The following ASIC2 variants were observed in gnomAD, a reference collection of about 807,000 sequenced individuals.
ASIC2 encodes acid-sensing ion channel 2.
In ASIC2, 25 loss-of-function variants were observed where a neutral mutation model predicts 57.3. That is an observed-to-expected ratio of 0.44 (90% CI 0.32 to 0.61). The LOEUF is 0.61. Among genes scored for constraint, ASIC2 ranks in the 20% least tolerant of loss-of-function variants. The pLI is 0.06. For synonymous variants in ASIC2, 319 were observed against 307.5 expected (o/e 1.04, Z -0.39); for missense variants, 641 against 738.1 (o/e 0.87, Z 1.52).
At chr17:33,442,791 C>G (rs1352492392) in intron 1 of ASIC2, among the ~76,000 whole-genome samples, 1 of 151,990 alleles carries the variant, frequency 6.6e-6, no homozygotes, top group Non-Finnish European at 1.5e-5. Flanking sequence ...CCTTATTGCA[C>G]TGGTTAGAAC....
intron 1 of ASIC2, among the ~76,000 whole-genome samples, chr17:33,416,913 A>G (rs1425803130): frequency 6.6e-6 from 1 of 152,180 alleles, no homozygotes; most frequent in East Asian, 1.9e-4. Flanking sequence ...GATCTCACCA[A>G]TATGCCACAG....
intron 1 of ASIC2, among the ~76,000 whole-genome samples, chr17:33,838,979 G>T (rs1323602785): frequency 6.6e-6 from 1 of 152,126 alleles, no homozygotes; most frequent in Non-Finnish European, 1.5e-5. Flanking sequence ...TGTAAGGAGG[G>T]GCCCAAGAAT....
At chr17:33,685,339 C>T (rs1040750227) in intron 1 of ASIC2, among the ~76,000 whole-genome samples, 2 of 152,224 alleles carry the variant, frequency 1.3e-5, no homozygotes, top group African/African-American at 4.8e-5. Context: ...CCACCTCGCG[C>T]TCCTCCATCC....
chr17:33,525,380 C>T (rs1914858032), intron 1 of ASIC2, among the ~76,000 whole-genome samples: 1 of 152,166 alleles, frequency 6.6e-6, no homozygotes, highest in Non-Finnish European at 1.5e-5. Context: ...CACTCCACCA[C>T]CCCTTGGAAA....
chr17:34,103,075 TTTC>T (rs1329153697), intron 1 of ASIC2, among the ~76,000 whole-genome samples: 1 of 152,236 alleles, frequency 6.6e-6, no homozygotes, highest in Non-Finnish European at 1.5e-5. Flanking sequence ...TTGAAAATAT[TTTC>T]TTAAGTCTAT....
chr17:33,166,951 A>T (rs1905327979), intron 1 of ASIC2, among the ~76,000 whole-genome samples: 1 of 152,232 alleles, frequency 6.6e-6, no homozygotes, highest in African/African-American at 2.4e-5. Context: ...AACAGACTGG[A>T]ATCATAGAAT....
chr17:33,382,853 A>T lies in ASIC2; in HGVS notation c.556-270786T>A, dbSNP rs562107014. 6.2e-4 allele frequency among the ~76,000 whole-genome samples: 95 copies of T among 152,282 alleles called. 1 individual carries two copies. Among genetic ancestry groups the T allele is most frequent in the Non-Finnish European group, 8.8e-5 (6 of 68,016 alleles). On this transcript the variant is annotated intron_variant, in intron 1 of 9. Coordinates refer to the ASIC2 transcript ENST00000359872. Reference sequence around the variant, plus strand: ...GCAAATGAGGACAAATAAATTTTCTAGCCTTGTTTTCTACTTACCCCATAC... The same window carrying T: ...GCAAATGAGGACAAATAAATTTTCTTGCCTTGTTTTCTACTTACCCCATAC...
At chr17:33,105,878 C>A (rs1443209744) in intron 2 of ASIC2, among the ~76,000 whole-genome samples, 1 of 152,160 alleles carries the variant, frequency 6.6e-6, no homozygotes, top group Non-Finnish European at 1.5e-5. Flanking sequence ...TTTGTCCCCA[C>A]CCTAGAGATC....
At chr17:33,393,062 CA>C (rs1909958614) in intron 1 of ASIC2, among the ~76,000 whole-genome samples, 1 of 152,162 alleles carries the variant, frequency 6.6e-6, no homozygotes, top group African/African-American at 2.4e-5. Flanking sequence ...CCATTGTAAT[CA>C]CTTCCAAACT....
chr17:33,329,540 A>G (rs957788718), intron 1 of ASIC2, among the ~76,000 whole-genome samples: 1 of 152,204 alleles, frequency 6.6e-6, no homozygotes, highest in Non-Finnish European at 1.5e-5. Context: ...GGCTAAGGTC[A>G]AGGTCATCAC....
chr17:33,857,121 G>T (rs1913978990), intron 1 of ASIC2, among the ~76,000 whole-genome samples: 1 of 152,172 alleles, frequency 6.6e-6, no homozygotes, highest in African/African-American at 2.4e-5. Flanking sequence ...AAATTGAAGG[G>T]TCTTACCCTA....
intron 1 of ASIC2, among the ~76,000 whole-genome samples, chr17:33,950,489 A>C (rs1904524742): frequency 6.6e-6 from 1 of 152,254 alleles, no homozygotes; most frequent in African/African-American, 2.4e-5. Context: ...AGTTATAAAA[A>C]ACCCAAACGA....
intron 1 of ASIC2, among the ~76,000 whole-genome samples, chr17:33,314,376 C>G (rs1270400898): frequency 6.6e-6 from 1 of 152,232 alleles, no homozygotes; most frequent in East Asian, 1.9e-4. Context: ...GGACACAATT[C>G]CTTGTTGGCT....
At chr17:33,770,951 G>A (rs994875594) in intron 1 of ASIC2, among the ~76,000 whole-genome samples, 2 of 152,040 alleles carry the variant, frequency 1.3e-5, no homozygotes, top group African/African-American at 4.8e-5. Context: ...GTCTATCTGT[G>A]GTCAATGGGC....
intron 1 of ASIC2, among the ~76,000 whole-genome samples, chr17:33,972,335 T>C (rs1012129233): frequency 2.5e-4 from 38 of 152,158 alleles, no homozygotes; most frequent in Admixed American, 2.5e-3. Context: ...GGAAGGACGA[T>C]AGAAAAATAC....
intron 1 of ASIC2, among the ~76,000 whole-genome samples, chr17:34,088,494 C>T (rs979284541): frequency 1.2e-4 from 18 of 152,184 alleles, no homozygotes; most frequent in African/African-American, 4.3e-4. Context: ...GGTCAGGGAC[C>T]CACTTGAGGA....
intron 1 of ASIC2, among the ~76,000 whole-genome samples, chr17:33,712,659 TTTTTG>T (rs1909081180): frequency 7.1e-6 from 1 of 141,568 alleles, no homozygotes; most frequent in Non-Finnish European, 1.5e-5. Flanking sequence ...TTTTTTTTTT[TTTTTG>T]AGACGGAGTC....
At chr17:33,555,766 C>G (rs1270060082) in intron 1 of ASIC2, among the ~76,000 whole-genome samples, 1 of 152,088 alleles carries the variant, frequency 6.6e-6, no homozygotes, top group Non-Finnish European at 1.5e-5. Flanking sequence ...GAATTCAAAG[C>G]AATCATGGAA....
intron 1 of ASIC2, among the ~76,000 whole-genome samples, chr17:33,582,774 C>T (rs980136357): frequency 1.3e-5 from 2 of 152,080 alleles, no homozygotes; most frequent in African/African-American, 4.8e-5. Context: ...CACACTCATA[C>T]ACCCCCTCAT....
Sources: allele counts gnomAD v4.1 joint callset (sites outside exome capture counted in the v4.1 genomes callset), GRCh38; gene constraint gnomAD v4.1.1; transcripts MANE v1.5; gene names NCBI Gene and HGNC (gene_info 2026-07-23, HGNC 2026-07-21).